The following NOBOX variants were observed in gnomAD, a reference collection of about 807,000 sequenced individuals.
NOBOX encodes the protein homeobox protein NOBOX.
A neutral mutation model predicts 60.2 loss-of-function variants in NOBOX; 46 were observed. The observed-to-expected ratio is 0.76, with a 90% CI of 0.60 to 0.98. The LOEUF (loss-of-function observed/expected upper bound fraction) is 0.98, where lower values mean the gene tolerates loss of function less well. NOBOX is among the 50% of genes least tolerant of loss of function. The pLI is 0.00. For synonymous variants in NOBOX, 360 were observed against 346.3 expected, an observed-to-expected ratio of 1.04 and a Z score of -0.44; for missense variants, 880 against 865.5, an observed-to-expected ratio of 1.02 and a Z score of -0.21.
At position 144,397,399 on chromosome 7, in the gene NOBOX, C is replaced by G; in HGVS notation, c.1917G>C (p.Arg639Ser). The change falls in exon 10 of 10, where the codon AGG becomes AGC. Residue 639 changes from arginine (R) to serine (S), a missense_variant. Coordinates refer to ENST00000467773, the MANE Select transcript of NOBOX (RefSeq NM_001080413.3). Reference sequence around the variant, plus strand: ...TCCATGAGAGAGCTGACGAAGGCTGCCTGCCCAGAGCCTGGGGGCAGGGAG... The same window carrying G: ...TCCATGAGAGAGCTGACGAAGGCTGGCTGCCCAGAGCCTGGGGGCAGGGAG... 2 of 1,537,218 alleles carry G rather than the reference C, an allele frequency of 1.3e-6. No homozygotes were observed. The highest frequency in any genetic ancestry group is 1.7e-6 in the Non-Finnish European group (2 of 1,146,904).
chr7:144,399,155 C>A lies in NOBOX; in HGVS notation c.1264G>T (p.Asp422Tyr). 3 of 1,560,718 alleles carry A rather than the reference C, an allele frequency of 1.9e-6. No individual in the cohort carries two copies. In the South Asian group the frequency reaches 3.5e-5, roughly 18 times the overall value. Reference sequence around the variant, plus strand: ...GGTTGGGTGGGGGCCAAAGTCTGGTCAGAAGTCAGCAGCATGGGGGGCTCT... The same window carrying A: ...GGTTGGGTGGGGGCCAAAGTCTGGTAAGAAGTCAGCAGCATGGGGGGCTCT... Residue 422 changes from aspartate to tyrosine, a missense_variant, in exon 8 of 10, where the codon GAC becomes TAC. By Grantham distance (160) the Asp-to-Tyr change is radical. Transcript: ENST00000467773.
Position 144,400,152 on chromosome 7 carries a change from A to C in NOBOX, c.1005T>G (p.Ile335Met), listed in dbSNP as rs749500243. Residue 335 changes from isoleucine (I) to methionine (M), a missense_variant, in exon 5 of 10, where the codon ATT becomes ATG. Coordinates refer to ENST00000467773, the MANE Select transcript of NOBOX (RefSeq NM_001080413.3). ...GCTCACTCTGCAATTCGAGTGTTTC[A>C]ATGGTGGGCCCTCCGCCACTCCACC... 1 of 1,613,854 alleles carries C rather than the reference A, an allele frequency of 6.2e-7. No individual in the cohort carries two copies. The highest frequency in any genetic ancestry group is 8.5e-7 in the Non-Finnish European group (1 of 1,179,900).
rs2053908143 is a variant in NOBOX, at chr7:144,398,332, G to C, written c.1724C>G (p.Pro575Arg). ...CAGGATCTGTCCTGAGGAGGCACCTGGGCAATAGCCCTGCGATGTGCCCCC... is the reference window on the plus strand; with the variant it reads ...CAGGATCTGTCCTGAGGAGGCACCTCGGCAATAGCCCTGCGATGTGCCCCC... The change falls in exon 9 of 10, where the codon CCA becomes CGA. Residue 575 changes from proline (P) to arginine (R), a missense_variant. By Grantham distance (103) the Pro-to-Arg change is moderately radical (BLOSUM62 -2). Transcript: ENST00000467773. The C allele has an allele frequency of 3.3e-6, 5 of 1,537,146 alleles. No homozygotes were observed. The highest frequency in any genetic ancestry group is 4.4e-6 in the Non-Finnish European group (5 of 1,146,928).
In NOBOX at chr7:144,410,011, T is replaced by A. The variant is rs150104415; in HGVS notation, c.85+132A>T. The A allele has an allele frequency of 1.1e-3, 591 of 560,560 alleles. 7 individuals carry two copies. The highest frequency in any genetic ancestry group is 0.01 in the African/African-American group (547 of 53,004). 34.7% of individuals were successfully genotyped at this position (560,560 alleles called of 1,614,324 possible). ...TGGCTTGATAGATTTTTCCAATGTT[T>A]GAGTCTAGGGTCACTGGCTCCCAAG... On this transcript the variant is annotated intron_variant, in intron 1 of 9. Coordinates refer to ENST00000467773, the MANE Select transcript of NOBOX (RefSeq NM_001080413.3).
chr7:144,397,172 C>A (rs1254267652), downstream of NOBOX: 6 of 1,377,182 alleles, frequency 4.4e-6, no homozygotes, highest in East Asian at 5.0e-5. Context: ...AACCCCCAAC[C>A]CCTGTCCTCT....
At position 144,398,321 on chromosome 7, in the gene NOBOX, A is replaced by T. The variant is rs1203199255; in HGVS notation, c.1735T>A (p.Ser579Thr). ...GGTGGTTGCATCAGGATCTGTCCTG[A>T]GGAGGCACCTGGGCAATAGCCCTGC... Residue 579 changes from serine (S) to threonine (T), a missense_variant, in exon 9 of 10, where the codon TCA becomes ACA. By Grantham distance (58) the Ser-to-Thr change is moderately conservative (BLOSUM62 1). Coordinates refer to ENST00000467773, the MANE Select transcript of NOBOX (RefSeq NM_001080413.3). 90 of 1,537,136 alleles carry T rather than the reference A, an allele frequency of 5.9e-5. No individual in the cohort carries two copies. The highest frequency in any genetic ancestry group is 1.7e-4 in the Middle Eastern group (1 of 6,010).
At position 144,401,436 on chromosome 7, in the gene NOBOX, C is replaced by A. The variant is rs201806397; in HGVS notation, c.454G>T (p.Gly152Trp). ...GGGCACAGTCTCCCAGCATCAGCCC[C>A]GGTGGCTTCTCCAGAGACTGCTGGC... Residue 152 changes from glycine to tryptophan, a missense_variant, in exon 4 of 10, where the codon GGG (glycine) becomes TGG (tryptophan). Coordinates refer to ENST00000467773, the MANE Select transcript of NOBOX (RefSeq NM_001080413.3). The surrounding 1 kb of genome is among the most constrained non-coding windows in gnomAD (Gnocchi z 4.2). 6 of 1,606,200 alleles carry A rather than the reference C, an allele frequency of 3.7e-6. No individual in the cohort carries two copies. Among genetic ancestry groups the A allele is most frequent in the African/African-American group, 2.7e-5 (2 of 74,706 alleles).
At position 144,399,516 on chromosome 7, in the gene NOBOX, G is replaced by A. The variant is rs759905687; in HGVS notation, c.1155-34C>T. 3.3e-6 allele frequency: 5 copies of A among 1,517,432 alleles called. No individual in the cohort carries two copies. The East Asian group carries it at 1.2e-4, about 37-fold the overall frequency. The allele number at this position is 1,517,432 out of a possible 1,614,324, so 94.0% of individuals were successfully genotyped here. ...AGGAAGAATGAAGACTGTAGCTTTG[G>A]TGGTCTCTGGATTTGCACAGGTGCC... is the stretch of plus-strand genomic sequence containing the variant. On this transcript the variant is annotated intron_variant, in intron 6 of 9. Transcript: ENST00000467773.
In NOBOX at chr7:144,401,638, A is replaced by G. The variant is rs773990577; in HGVS notation, c.293-41T>C. The stretch of plus-strand genomic sequence containing the variant: ...ATCCACTGACCTTAGCACCAGGGAG[A>G]AGGAAGAACTGGACCAAGAGGAAGT... On this transcript the variant is annotated intron_variant, in intron 3 of 9. Coordinates refer to ENST00000467773, the MANE Select transcript of NOBOX (RefSeq NM_001080413.3). This position sits in a 1 kb window ranked among gnomAD's most constrained non-coding sequence, Gnocchi z 4.2. 6.7e-7 allele frequency: 1 copy of G among 1,488,048 alleles called. No individual in the cohort carries two copies. Among genetic ancestry groups the G allele is most frequent in the Non-Finnish European group, 8.9e-7 (1 of 1,124,756 alleles). The allele number at this position is 1,488,048 out of a possible 1,614,324, so 92.2% of individuals were successfully genotyped here.
In NOBOX at chr7:144,398,450, G is replaced by A. The variant is rs1371444072; in HGVS notation, c.1606C>T (p.Pro536Ser). 3.1e-5 allele frequency: 47 copies of A among 1,537,126 alleles called. No homozygotes were observed. The highest frequency in any genetic ancestry group is 4.1e-5 in the Non-Finnish European group (47 of 1,146,934). ...GAGAAGGGGAAAGTGGGGAGGTAGG[G>A]CAACTTGGGCTGAGGGGACTGGAAA... The change falls in exon 9 of 10, where the codon CCC becomes TCC. Residue 536 changes from proline (P) to serine (S), a missense_variant. Physicochemically the swap from Pro to Ser is moderately conservative, Grantham distance 74. Transcript: ENST00000467773.
downstream of NOBOX, chr7:144,397,207 C>T (rs1015340502): frequency 1.5e-5 from 22 of 1,500,884 alleles, no homozygotes; most frequent in Admixed American, 4.5e-4. Flanking sequence ...CTATCCCACC[C>T]AAGCAGCCTC....
In NOBOX at chr7:144,398,946, T is replaced by C; in HGVS notation, c.1469+4A>G. ...AGAGTGACCTACCCCCGTAGGTTCC[T>C]TACCTTGTCCCCCAGGACCCACAGG... On this transcript the variant is annotated splice_donor_region_variant and intron_variant, in intron 8 of 9. Coordinates refer to ENST00000467773, the MANE Select transcript of NOBOX (RefSeq NM_001080413.3). 6.5e-7 allele frequency: 1 copy of C among 1,532,944 alleles called. No individual in the cohort carries two copies. Among genetic ancestry groups the C allele is most frequent in the Non-Finnish European group, 8.9e-7 (1 of 1,128,214 alleles). The allele number at this position is 1,532,944 out of a possible 1,614,324, so 95.0% of individuals were successfully genotyped here.
At position 144,401,528 on chromosome 7, in the gene NOBOX, G is replaced by A. The variant is rs187273709; in HGVS notation, c.362C>T (p.Pro121Leu). 3.4e-4 allele frequency: 518 copies of A among 1,518,808 alleles called. No homozygotes were observed. In the African/African-American group the frequency reaches 5.3e-3, roughly 15 times the overall value. 94.1% of individuals were successfully genotyped at this position (1,518,808 alleles called of 1,614,324 possible). ...CTCACTCTGAGTGTCCTGAGCATGA[G>A]GGGCTGAGCCCCGGAGCAGTTCCTC... The change falls in exon 4 of 10, where the codon CCT becomes CTT. Residue 121 changes from proline to leucine, a missense_variant. Physicochemically the swap from Pro to Leu is moderately conservative, Grantham distance 98. Coordinates refer to ENST00000467773, the MANE Select transcript of NOBOX (RefSeq NM_001080413.3). This position sits in a 1 kb window ranked among gnomAD's most constrained non-coding sequence, Gnocchi z 4.2.
At chr7:144,405,647 A>G (rs2053980390) in intron 1 of NOBOX, among the ~76,000 whole-genome samples, 1 of 152,074 alleles carries the variant, frequency 6.6e-6, no homozygotes, top group African/African-American at 2.4e-5. Context: ...TTTCCCCTGG[A>G]TCCTCAGCTC....
chr7:144,407,490 A>G (rs2053993812), intron 1 of NOBOX, among the ~76,000 whole-genome samples: 1 of 152,234 alleles, frequency 6.6e-6, no homozygotes, highest in African/African-American at 2.4e-5. Context: ...CCAGGAAGAG[A>G]TGACCTGTCC....
At chr7:144,399,289 C>T in intron 7 of NOBOX, 108 bp downstream of exon 5, 1 of 992,596 alleles carries the variant, frequency 1.0e-6, no homozygotes, top group South Asian at 1.5e-5. Flanking sequence ...ATAGGCCCTG[C>T]TGGCTGAAAC....
In NOBOX at chr7:144,404,690, A is replaced by G. The variant is rs536180408; in HGVS notation, c.86-10T>C. Reference sequence around the variant, plus strand: ...ACAGCCAGGGGCGGCCCTGCCAGGGACGGTGTGGTTACTGTGTTTCCATCC... The same window carrying G: ...ACAGCCAGGGGCGGCCCTGCCAGGGGCGGTGTGGTTACTGTGTTTCCATCC... On this transcript the variant is annotated splice_polypyrimidine_tract_variant and intron_variant, in intron 1 of 9. Coordinates refer to ENST00000467773, the MANE Select transcript of NOBOX (RefSeq NM_001080413.3). The G allele has an allele frequency of 8.7e-6, 14 of 1,613,174 alleles. No individual in the cohort carries two copies. The South Asian group carries it at 1.5e-4, about 18-fold the overall frequency.
intron 9 of NOBOX, among the ~76,000 whole-genome samples, chr7:144,397,808 C>T (rs1234967034): frequency 1.3e-5 from 2 of 152,138 alleles, no homozygotes; most frequent in South Asian, 2.1e-4. Flanking sequence ...ACAAGGAGAC[C>T]AGGAACCACC....
At chr7:144,407,968 T>C (rs561200842) in intron 1 of NOBOX, among the ~76,000 whole-genome samples, 1 of 152,354 alleles carries the variant, frequency 6.6e-6, no homozygotes, top group South Asian at 2.1e-4. Flanking sequence ...TCTCCTGATG[T>C]GCCTGAGTCT....
Sources: allele counts gnomAD v4.1 joint callset (sites outside exome capture counted in the v4.1 genomes callset), GRCh38; gene constraint gnomAD v4.1.1; non-coding constraint Gnocchi (gnomAD v3.1); transcripts MANE v1.5; gene names NCBI Gene and HGNC (gene_info 2026-07-23, HGNC 2026-07-21).